Variants in PANK3 observed in about 807,000 individuals in gnomAD.
PANK3 encodes the protein hPanK3.
In PANK3, 20 loss-of-function variants were observed where a neutral mutation model predicts 39.4. That is an observed-to-expected ratio of 0.51 (90% confidence interval 0.36 to 0.74). The LOEUF (loss-of-function observed/expected upper bound fraction) is 0.74. Among genes scored for constraint, PANK3 ranks in the 30% least tolerant of loss-of-function variants. PANK3 has a pLI of 0.00. For missense variants in PANK3, 265 were observed against 437.0 expected (o/e 0.61, Z 3.51); for synonymous variants, 140 against 157.3 (o/e 0.89, Z 0.82).
chr5:168,579,207 G>A, intron 1 of PANK3, 49 bp downstream of exon 1: 1 of 1,460,458 alleles, frequency 6.8e-7, no homozygotes, highest in South Asian at 1.4e-5. Context: ...CTTTCAGACG[G>A]GGCCCAAGGG....
At position 168,561,408 on chromosome 5, in the gene PANK3, C is replaced by T; in HGVS notation, c.921G>A (p.Met307Ile). 3 of 1,585,688 alleles carry T rather than the reference C, an allele frequency of 1.9e-6. No individual in the cohort carries two copies. The highest frequency in any genetic ancestry group is 2.6e-6 in the Non-Finnish European group (3 of 1,169,470). Residue 307 changes from methionine (M) to isoleucine (I), a missense_variant, in exon 5 of 7, where the codon ATG (methionine) becomes ATA (isoleucine). Around this residue, in one of 3 missense-constraint regions of PANK3, gnomAD observed 110 missense variants for 161.2 expected, o/e 0.68. Transcript: ENST00000239231. ...ITNNIGSVAR[M>I]CAVNEKINRV... ...GTTTTTTTACCTCATTAACAGCACA[C>T]ATTCGTGCCACAGAACCAATGTTAT...
In PANK3 at chr5:168,579,303, AT is replaced by A; in HGVS notation, c.-21del. 6.8e-7 allele frequency: 1 copy of A among 1,476,362 alleles called. No individual in the cohort carries two copies. Among genetic ancestry groups the A allele is most frequent in the Non-Finnish European group, 9.0e-7 (1 of 1,109,040 alleles). 91.5% of individuals were successfully genotyped at this position (1,476,362 alleles called of 1,614,324 possible). A position where few individuals can be genotyped will look rare whatever the true frequency, so the allele number is the denominator to read the frequency against. On this transcript the variant is annotated 5_prime_UTR_variant, in exon 1 of 7. Transcript: ENST00000239231. ...CTTCATGGCGTCGGCCCGAGGGGCG[AT>A]GGACGGCCTCCGATCCGGGGCACTG...
In PANK3 at chr5:168,553,171, C is replaced by A; in HGVS notation, c.*4400G>T. The A allele has an allele frequency of 4.1e-6, 2 of 483,054 alleles. No homozygotes were observed. The highest frequency in any genetic ancestry group is 4.2e-6 in the Non-Finnish European group (1 of 240,460). 29.9% of individuals were successfully genotyped at this position (483,054 alleles called of 1,614,324 possible). ...GATGGTAAAGCCCAGTATCACTGGG[C>A]ATAGCTCTTCAGACCCCAAGATGAA... On this transcript the variant is annotated 3_prime_UTR_variant, in exon 7 of 7. Transcript: ENST00000239231.
Position 168,558,939 on chromosome 5 carries a change from G to A in PANK3, c.1062+93C>T, listed in dbSNP as rs972845098. 5.7e-6 allele frequency: 7 copies of A among 1,231,464 alleles called. No individual in the cohort carries two copies. In the African/African-American group the frequency reaches 7.7e-5, roughly 13 times the overall value. The allele number at this position is 1,231,464 out of a possible 1,614,324, so 76.3% of individuals were successfully genotyped here. Reference sequence around the variant, plus strand: ...GAAGAGGCTGCAGTAAGCCATCATTGTGCCACTAAACTCAAGCCTGAGTGA... The same window carrying A: ...GAAGAGGCTGCAGTAAGCCATCATTATGCCACTAAACTCAAGCCTGAGTGA... On this transcript the variant is annotated intron_variant, in intron 6 of 6. Transcript: ENST00000239231.
Position 168,579,315 on chromosome 5 carries a change from C to G in PANK3, c.-32G>C, listed in dbSNP as rs778112453. Reference sequence around the variant, plus strand: ...GGCCCGAGGGGCGATGGACGGCCTCCGATCCGGGGCACTGAGAGCAGAGGC... The same window carrying G: ...GGCCCGAGGGGCGATGGACGGCCTCGGATCCGGGGCACTGAGAGCAGAGGC... On this transcript the variant is annotated 5_prime_UTR_variant, in exon 1 of 7. Transcript: ENST00000239231. 1.4e-6 allele frequency: 2 copies of G among 1,458,246 alleles called. No individual in the cohort carries two copies. The highest frequency in any genetic ancestry group is 1.4e-5 in the South Asian group (1 of 71,078). 90.3% of individuals were successfully genotyped at this position (1,458,246 alleles called of 1,614,324 possible).
At position 168,550,491 on chromosome 5, in the gene PANK3, A is replaced by C. The variant is rs1241617242; in HGVS notation, c.*7080T>G. 6.6e-6 allele frequency: 1 copy of C among 152,228 alleles called. No individual in the cohort carries two copies. The highest frequency in any genetic ancestry group is 1.5e-5 in the Non-Finnish European group (1 of 68,028). 9.4% of individuals were successfully genotyped at this position (152,228 alleles called of 1,614,324 possible). A position where few individuals can be genotyped will look rare whatever the true frequency, so the allele number is the denominator to read the frequency against. ...GTTAACACAGTAAAAATTCCAGATA[A>C]CCTTTACAGATTTAAAAGTACAAAC... On this transcript the variant is annotated 3_prime_UTR_variant, in exon 7 of 7. Coordinates refer to ENST00000239231, the MANE Select transcript of PANK3 (RefSeq NM_024594.4).
At chr5:168,575,861 A>G (rs573489602) in intron 1 of PANK3, among the ~76,000 whole-genome samples, 3 of 152,334 alleles carry the variant, frequency 2.0e-5, no homozygotes, top group Non-Finnish European at 4.4e-5. Flanking sequence ...TTCTTTAGGC[A>G]TAAAGGGAAA....
At chr5:168,568,404 T>C (rs543255637) in intron 2 of PANK3, among the ~76,000 whole-genome samples, 3 of 152,370 alleles carry the variant, frequency 2.0e-5, no homozygotes, top group South Asian at 2.1e-4. Context: ...CCCCTTTTTA[T>C]TGTAGCTTTG....
chr5:168,573,997 T>C (rs1457308289), intron 1 of PANK3, among the ~76,000 whole-genome samples: 2 of 151,940 alleles, frequency 1.3e-5, no homozygotes, highest in East Asian at 3.8e-4. Context: ...TGTGTCTTTA[T>C]AGCAGCATGA....
rs1245340132 is a variant in PANK3 at position 168,549,273 on chromosome 5, G to GTTTA, written c.*8297_*8298insTAAA. ...AAATGCTGTAAACTAAACTAAAACA[G>GTTTA]GTTACCCAGAAAAAAGTGGCAAATT... On this transcript the variant is annotated 3_prime_UTR_variant, in exon 7 of 7. Transcript: ENST00000239231. 6.6e-6 allele frequency: 1 copy of GTTTA among 152,078 alleles called. No homozygotes were observed. The highest frequency in any genetic ancestry group is 2.4e-5 in the African/African-American group (1 of 41,412). The allele number at this position is 152,078 out of a possible 1,614,324, so 9.4% of individuals were successfully genotyped here.
At chr5:168,558,992 C>A in intron 6 of PANK3, 40 bp downstream of exon 6, 1 of 1,582,676 alleles carries the variant, frequency 6.3e-7, no homozygotes, top group Non-Finnish European at 8.6e-7. Context: ...TCTTAAAAAA[C>A]ATGCTATTAA....
rs1759327241 is a variant in PANK3 at position 168,555,008 on chromosome 5, T to C, written c.*2563A>G. The C allele has an allele frequency of 1.3e-5, 2 of 152,300 alleles. No individual in the cohort carries two copies. Among genetic ancestry groups the C allele is most frequent in the Non-Finnish European group, 1.5e-5 (1 of 68,006 alleles). The allele number at this position is 152,300 out of a possible 1,614,324, so 9.4% of individuals were successfully genotyped here. A position where few individuals can be genotyped will look rare whatever the true frequency, so the allele number is the denominator to read the frequency against. On this transcript the variant is annotated 3_prime_UTR_variant, in exon 7 of 7. Coordinates refer to ENST00000239231, the MANE Select transcript of PANK3 (RefSeq NM_024594.4). ...GCTCTTTAGCTTTTCCCATATGTAA[T>C]CTAGAGGTACTGGAATAATAAGAAC...
At chr5:168,567,698 C>A (rs1759559184) in intron 2 of PANK3, among the ~76,000 whole-genome samples, 2 of 152,120 alleles carry the variant, frequency 1.3e-5, no homozygotes, top group South Asian at 4.1e-4. Flanking sequence ...CTCACTGCAG[C>A]CTCAATCTCA....
intron 1 of PANK3, among the ~76,000 whole-genome samples, chr5:168,570,735 G>C (rs1433245156): frequency 6.6e-6 from 1 of 152,188 alleles, no homozygotes; most frequent in African/African-American, 2.4e-5. Flanking sequence ...TAGCTAAAGA[G>C]CTTAGACTTG....
chr5:168,568,570 G>T, intron 2 of PANK3, 76 bp downstream of exon 2: 2 of 1,114,994 alleles, frequency 1.8e-6, no homozygotes, highest in Non-Finnish European at 1.3e-6. Flanking sequence ...GAGAATTAAG[G>T]AACATGCTAG....
In PANK3 at chr5:168,552,730, C is replaced by A; in HGVS notation, c.*4841G>T. The A allele has an allele frequency of 5.5e-6, 1 of 182,434 alleles. No homozygotes were observed. The highest frequency in any genetic ancestry group is 1.5e-4 in the South Asian group (1 of 6,866). The allele number at this position is 182,434 out of a possible 1,614,324, so 11.3% of individuals were successfully genotyped here. A position where few individuals can be genotyped will look rare whatever the true frequency, so the allele number is the denominator to read the frequency against. On this transcript the variant is annotated 3_prime_UTR_variant, in exon 7 of 7. Coordinates refer to ENST00000239231, the MANE Select transcript of PANK3 (RefSeq NM_024594.4). ...CAAAACGCCATGCCTCAAGACCTAT[C>A]ATATGTAAAGTCCTTCCTGCCCTTT... is the stretch of plus-strand genomic sequence containing the variant.
At chr5:168,576,980 A>G (rs896448759) in intron 1 of PANK3, among the ~76,000 whole-genome samples, 2 of 151,968 alleles carry the variant, frequency 1.3e-5, no homozygotes, top group Non-Finnish European at 2.9e-5. Context: ...CCTGGGTTCC[A>G]GCAATTCTCC....
intron 1 of PANK3, among the ~76,000 whole-genome samples, chr5:168,572,173 G>C (rs1034503716): frequency 2.7e-5 from 4 of 148,474 alleles, no homozygotes; most frequent in Admixed American, 6.8e-5. Context: ...GAGTGCAGTG[G>C]CATGATCTCT....
chr5:168,570,104 C>T (rs796155827), intron 1 of PANK3, among the ~76,000 whole-genome samples: 5 of 152,160 alleles, frequency 3.3e-5, no homozygotes, highest in East Asian at 1.9e-4. Flanking sequence ...ATCTCCAGGC[C>T]GGGCGCGGTG....
Sources: allele counts gnomAD v4.1 joint callset (sites outside exome capture counted in the v4.1 genomes callset), GRCh38; gene constraint gnomAD v4.1.1; regional missense constraint gnomAD v4.1.1; transcripts MANE v1.5; gene names NCBI Gene and HGNC (gene_info 2026-07-23, HGNC 2026-07-21).